MOSPD2: variants seen among roughly 807,000 people sequenced by gnomAD.
MOSPD2 encodes the protein motile sperm domain containing 2.
MOSPD2 carries 5 observed loss-of-function variants against 41.7 expected under a neutral mutation model. The ratio of observed to expected loss-of-function variants is 0.12; its 90% CI spans 0.06 to 0.25. The LOEUF (loss-of-function observed/expected upper bound fraction) is 0.25. MOSPD2 is among the 10% of genes least tolerant of loss of function. MOSPD2 has a pLI of 1.00. For missense variants in MOSPD2, 282 were observed against 375.2 expected (o/e 0.75, Z 2.05); for synonymous variants, 115 against 126.9 (o/e 0.91, Z 0.63).
At chrX:14,886,396 T>G (rs900975347) in intron 2 of MOSPD2, among the ~76,000 whole-genome samples, 2 of 110,065 alleles carry the variant, frequency 1.8e-5, no homozygotes, top group Non-Finnish European at 3.8e-5. Context: ...TCTTGAAGGA[T>G]AAGAACTGAA....
Position 14,920,089 on chromosome X carries a change from T to C in MOSPD2, c.*280T>C. The C allele has an allele frequency of 1.3e-6, 1 of 747,441 alleles. No individual in the cohort carries two copies. Among genetic ancestry groups the C allele is most frequent in the Non-Finnish European group, 1.6e-6 (1 of 621,901 alleles). The allele number at this position is 747,441 out of a possible 1,213,427, so 61.6% of individuals were successfully genotyped here. A position where few individuals can be genotyped will look rare whatever the true frequency, so the allele number is the denominator to read the frequency against. On this transcript the variant is annotated 3_prime_UTR_variant, in exon 15 of 15. Transcript: ENST00000380492. ...AGTTTAAATATAATTTATTTTTTCC[T>C]TTTGATCTGAATACTTTTAAAGCTT...
At chrX:14,918,524 A>G (rs993227891) in intron 13 of MOSPD2, among the ~76,000 whole-genome samples, 156 bp from the exon 14 acceptor site, 45 of 112,581 alleles carry the variant, frequency 4.0e-4, no homozygotes, top group African/African-American at 1.5e-3. Flanking sequence ...AGATACATAT[A>G]CACAGAGCAA....
intron 2 of MOSPD2, among the ~76,000 whole-genome samples, chrX:14,890,141 C>T (rs763742015): frequency 9.0e-6 from 1 of 110,942 alleles, no homozygotes; most frequent in South Asian, 3.8e-4. Context: ...CTGGCTGCTT[C>T]GCCCAAATCA....
chrX:14,907,758 A>G (rs759218500), intron 7 of MOSPD2, among the ~76,000 whole-genome samples: 1 of 111,796 alleles, frequency 8.9e-6, no homozygotes, highest in Non-Finnish European at 1.9e-5. Flanking sequence ...AAAATGTTCT[A>G]GATTAGATTG....
In MOSPD2 at chrX:14,921,190, T is replaced by C. The variant is rs747925952; in HGVS notation, c.*1381T>C. 9.9e-6 allele frequency: 9 copies of C among 908,177 alleles called. No homozygotes were observed. The highest frequency in any genetic ancestry group is 6.3e-5 in the South Asian group (1 of 15,996). 74.8% of individuals were successfully genotyped at this position (908,177 alleles called of 1,213,427 possible). ...CTGCCTGTAAAATGTTGAGTTTCGA[T>C]TGAGCCATGTTTGGAGATTTTATTA... On this transcript the variant is annotated 3_prime_UTR_variant, in exon 15 of 15. Coordinates refer to ENST00000380492, the MANE Select transcript of MOSPD2 (RefSeq NM_152581.4).
intron 2 of MOSPD2, among the ~76,000 whole-genome samples, chrX:14,888,833 G>T (rs1489149850): frequency 9.1e-6 from 1 of 110,475 alleles, no homozygotes; most frequent in African/African-American, 3.3e-5. Context: ...TCTTTTGGGT[G>T]TACATCTTTA....
In MOSPD2 at chrX:14,895,305, T is replaced by C; in HGVS notation, c.236-3T>C. The stretch of plus-strand genomic sequence containing the variant: ...CTACTGATCAAAGCTTACCACTTTT[T>C]AGACCTTAATGAATCCTCCATTCCC... On this transcript the variant is annotated splice_region_variant and splice_polypyrimidine_tract_variant and intron_variant, in intron 3 of 14. Transcript: ENST00000380492. 1 of 1,119,130 alleles carries C rather than the reference T, an allele frequency of 8.9e-7. No individual in the cohort carries two copies. Among genetic ancestry groups the C allele is most frequent in the Non-Finnish European group, 1.2e-6 (1 of 815,283 alleles). The allele number at this position is 1,119,130 out of a possible 1,213,427, so 92.2% of individuals were successfully genotyped here. A position where few individuals can be genotyped will look rare whatever the true frequency, so the allele number is the denominator to read the frequency against.
Position 14,920,013 on chromosome X carries a change from C to T in MOSPD2, c.*204C>T. 1 of 917,179 alleles carries T rather than the reference C, an allele frequency of 1.1e-6. No homozygotes were observed. Among genetic ancestry groups the T allele is most frequent in the Non-Finnish European group, 1.4e-6 (1 of 737,957 alleles). The allele number at this position is 917,179 out of a possible 1,213,427, so 75.6% of individuals were successfully genotyped here. A position where few individuals can be genotyped will look rare whatever the true frequency, so the allele number is the denominator to read the frequency against. On this transcript the variant is annotated 3_prime_UTR_variant, in exon 15 of 15. Transcript: ENST00000380492. ...TGCTGGAGAAATTGATTATAAGAGACTATAGCTATTTAGTAAAGTAAGTAA... is the reference window on the plus strand; with the variant it reads ...TGCTGGAGAAATTGATTATAAGAGATTATAGCTATTTAGTAAAGTAAGTAA...
chrX:14,879,541 C>T (rs2092527646), intron 2 of MOSPD2, among the ~76,000 whole-genome samples: 1 of 111,169 alleles, frequency 9.0e-6, no homozygotes, highest in South Asian at 3.8e-4. Context: ...ATACCTAATA[C>T]AGTAACTAGC....
intron 2 of MOSPD2, chrX:14,885,577 A>G (rs2092539652): frequency 8.9e-6 from 1 of 111,931 alleles, no homozygotes; most frequent in Admixed American, 9.5e-5. Flanking sequence ...ATAACTCTAC[A>G]TTATATAGGA....
At chrX:14,898,539 C>T (rs2092566904) in intron 5 of MOSPD2, among the ~76,000 whole-genome samples, 1 of 111,415 alleles carries the variant, frequency 9.0e-6, no homozygotes, top group Admixed American at 9.6e-5. Context: ...AACCTAGTTT[C>T]CATGTCAGTG....
intron 13 of MOSPD2, among the ~76,000 whole-genome samples, 193 bp from the exon 14 acceptor site, chrX:14,918,487 A>G (rs1330365756): frequency 8.9e-6 from 1 of 112,391 alleles, no homozygotes; most frequent in Non-Finnish European, 1.9e-5. Context: ...TGTGTTCCTT[A>G]TACATGCATT....
At chrX:14,894,414 G>A (rs1416150607) in intron 3 of MOSPD2, among the ~76,000 whole-genome samples, 1 of 105,660 alleles carries the variant, frequency 9.5e-6, no homozygotes, top group Non-Finnish European at 1.9e-5. Context: ...CCTCCTGAGT[G>A]CACGCCATTC....
At chrX:14,919,512 A>C (rs2092605759) in intron 14 of MOSPD2, among the ~76,000 whole-genome samples, 160 bp from the exon 15 acceptor site, 1 of 111,789 alleles carries the variant, frequency 8.9e-6, no homozygotes, top group Non-Finnish European at 1.9e-5. Flanking sequence ...CCACCAAACA[A>C]ATCTAATGCC....
rs1389117874 is a variant in MOSPD2, at chrX:14,911,230, C to T, written c.703-7C>T. On this transcript the variant is annotated splice_region_variant and splice_polypyrimidine_tract_variant and intron_variant, in intron 8 of 14. Coordinates refer to ENST00000380492, the MANE Select transcript of MOSPD2 (RefSeq NM_152581.4). ...TAGTAGGCTCATGTGAAATTATTTT[C>T]TTGTAGGATCCTTTCAAGTATAGCT... is the stretch of plus-strand genomic sequence containing the variant. 5 of 1,182,825 alleles carry T rather than the reference C, an allele frequency of 4.2e-6. No homozygotes were observed. Among genetic ancestry groups the T allele is most frequent in the Non-Finnish European group, 5.7e-6 (5 of 882,690 alleles).
chrX:14,893,086 G>A (rs772793741), intron 3 of MOSPD2: 1 of 303,133 alleles, frequency 3.3e-6, no homozygotes, highest in African/African-American at 2.7e-5. Context: ...GATCACCAGA[G>A]AGCAGAATCA....
At chrX:14,896,736 G>A (rs1201918980) in intron 4 of MOSPD2, among the ~76,000 whole-genome samples, 7 of 112,494 alleles carry the variant, frequency 6.2e-5, no homozygotes, top group Non-Finnish European at 1.3e-4. Flanking sequence ...TCCTCTGGAC[G>A]GAACATTTTT....
intron 2 of MOSPD2, among the ~76,000 whole-genome samples, chrX:14,883,221 A>G (rs771942237): frequency 9.0e-6 from 1 of 111,417 alleles, no homozygotes; most frequent in Non-Finnish European, 1.9e-5. Flanking sequence ...TGTTACTAGA[A>G]TACTGTCATT....
chrX:14,883,479 C>G (rs989934211), intron 2 of MOSPD2, among the ~76,000 whole-genome samples: 1 of 111,665 alleles, frequency 9.0e-6, no homozygotes, highest in African/African-American at 3.3e-5. Context: ...AATAGGAGGA[C>G]AAAAATTTGC....
Sources: allele counts gnomAD v4.1 joint callset (sites outside exome capture counted in the v4.1 genomes callset), GRCh38; gene constraint gnomAD v4.1.1; transcripts MANE v1.5; gene names NCBI Gene and HGNC (gene_info 2026-07-23, HGNC 2026-07-21).